ATXN2: variants seen among roughly 807,000 people sequenced by gnomAD.
ATXN2 encodes ataxin 2, also known as ataxin-2.
A neutral mutation model predicts 138.6 loss-of-function variants in ATXN2; 37 were observed. That is an observed-to-expected ratio of 0.27 (90% confidence interval 0.21 to 0.35). The LOEUF (loss-of-function observed/expected upper bound fraction) is 0.35, where lower values mean the gene tolerates loss of function less well. Ranked by LOEUF, ATXN2 falls within the 10% of genes least tolerant of loss-of-function variation. The probability of loss-of-function intolerance (pLI) is 1.00; values close to 1 mark genes in which losing one functional copy is unlikely to be tolerated. For missense variants in ATXN2, 1,216 were observed against 1,480.3 expected (o/e 0.82, Z 2.93); for synonymous variants, 549 against 543.7 (o/e 1.01, Z -0.13).
intron 1 of ATXN2, among the ~76,000 whole-genome samples, chr12:111,567,227 C>T (rs542253630): frequency 1.3e-5 from 2 of 152,244 alleles, no homozygotes; most frequent in Admixed American, 6.5e-5. Flanking sequence ...ACAGGCCGGG[C>T]GTGGTGGCTC....
intron 18 of ATXN2, chr12:111,479,089 T>C (rs1877029339): frequency 5.1e-6 from 2 of 391,812 alleles, no homozygotes. Flanking sequence ...GCAATTCCAA[T>C]TCTAGGTATT....
At position 111,513,436 on chromosome 12, in the gene ATXN2, G is replaced by A. The variant is rs2135733705; in HGVS notation, c.1479C>T (p.Asn493=). ...ISSGLEFVSH[N]PPSEAATPPV... is the part of the protein sequence containing the mutation. ...GAGGAGTAGCTGCTTCACTGGGTGG[G>A]TTGTGGGATACAAATTCTAGGCCAC... The change falls in exon 11 of 25, where the codon AAC becomes AAT. Residue 493 remains asparagine (N), a synonymous_variant. Transcript: ENST00000673436. The A allele has an allele frequency of 6.2e-7, 1 of 1,614,030 alleles. No individual in the cohort carries two copies. The highest frequency in any genetic ancestry group is 8.5e-7 in the Non-Finnish European group (1 of 1,180,010).
rs764521658 is a variant in ATXN2, at chr12:111,453,811, GGAT to G, written c.3302_3304del (p.His1101del). On this transcript the variant is annotated inframe_deletion, in exon 24 of 25. Coordinates refer to ENST00000673436, the MANE Select transcript of ATXN2 (RefSeq NM_001372574.1). The surrounding 1 kb of genome is among the most constrained non-coding windows in gnomAD (Gnocchi z 5.4). ...TAGCATCATTGGCGCATGGGCAGTT[GGAT>G]GAGAAGGAACCATTCCTGACTGTAC... 24 of 1,613,800 alleles carry G rather than the reference GGAT, an allele frequency of 1.5e-5. 1 individual carries two copies. The Admixed American group carries it at 3.3e-4, about 22-fold the overall frequency.
At chr12:111,560,956 G>A (rs969318976) in intron 1 of ATXN2, among the ~76,000 whole-genome samples, 2 of 152,210 alleles carry the variant, frequency 1.3e-5, no homozygotes, top group African/African-American at 4.8e-5. Flanking sequence ...CAGGCGCCCT[G>A]ACTCACGCCT....
chr12:111,499,480 A>G (rs1240185164), intron 14 of ATXN2, among the ~76,000 whole-genome samples: 1 of 152,090 alleles, frequency 6.6e-6, no homozygotes, highest in Non-Finnish European at 1.5e-5. Flanking sequence ...GAGGCAGGTA[A>G]ATCACCTGAG....
chr12:111,490,010 C>T (rs890641325), intron 14 of ATXN2, among the ~76,000 whole-genome samples: 1 of 151,478 alleles, frequency 6.6e-6, no homozygotes, highest in African/African-American at 2.4e-5. Flanking sequence ...TAAGACCAGA[C>T]TGGCCAACAT....
chr12:111,486,305 T>C (rs1388720852), intron 16 of ATXN2, among the ~76,000 whole-genome samples: 1 of 152,218 alleles, frequency 6.6e-6, no homozygotes, highest in African/African-American at 2.4e-5. Flanking sequence ...TATCCTCCTA[T>C]ATACTTTACA....
intron 14 of ATXN2, among the ~76,000 whole-genome samples, chr12:111,500,034 A>C (rs1878660090): frequency 6.6e-6 from 1 of 152,234 alleles, no homozygotes; most frequent in Admixed American, 6.5e-5. Flanking sequence ...TGGTAAAACC[A>C]CTATGGAGAA....
chr12:111,456,507 A>C (rs915378033), intron 22 of ATXN2, among the ~76,000 whole-genome samples: 31 of 152,234 alleles, frequency 2.0e-4, no homozygotes, highest in African/African-American at 7.2e-4. Context: ...AAGTCAAAAA[A>C]GACTACTGCC....
At chr12:111,517,553 T>C (rs1269107414) in intron 9 of ATXN2, among the ~76,000 whole-genome samples, 4 of 152,190 alleles carry the variant, frequency 2.6e-5, no homozygotes, top group Non-Finnish European at 4.4e-5. Flanking sequence ...CATAGAACTG[T>C]TGTTCAGTAT....
At chr12:111,563,915 T>C (rs1208932657) in intron 1 of ATXN2, among the ~76,000 whole-genome samples, 3 of 152,194 alleles carry the variant, frequency 2.0e-5, no homozygotes, top group East Asian at 1.9e-4. Context: ...TTTAGATCTG[T>C]ATTATAATTA....
intron 18 of ATXN2, among the ~76,000 whole-genome samples, chr12:111,477,221 T>A: frequency 6.7e-6 from 1 of 149,794 alleles, no homozygotes. Flanking sequence ...CTGGGTGTAG[T>A]GGCGGGCACC....
At chr12:111,493,272 T>G (rs1342344912) in intron 14 of ATXN2, among the ~76,000 whole-genome samples, 1 of 151,830 alleles carries the variant, frequency 6.6e-6, no homozygotes. Flanking sequence ...ATACAAAAAG[T>G]AGCTGGGCGT....
intron 10 of ATXN2, among the ~76,000 whole-genome samples, chr12:111,515,344 G>A (rs1220171188): frequency 6.6e-6 from 1 of 152,164 alleles, no homozygotes; most frequent in Non-Finnish European, 1.5e-5. Context: ...AGGACATTAT[G>A]ATTCAGAAAA....
chr12:111,598,833 A>C lies in ATXN2; in HGVS notation c.202T>G (p.Ser68Ala). ...SVSSSSATAP[S>A]SVVAATSGGG... ...CCGGAGGTCGCCGCGACCACCGAGGAGGGAGCCGTGGCCGAGGACGAGGAG... is the reference window on the plus strand; with the variant it reads ...CCGGAGGTCGCCGCGACCACCGAGGCGGGAGCCGTGGCCGAGGACGAGGAG... Residue 68 changes from serine to alanine, a missense_variant, in exon 1 of 25, where the codon TCC (serine) becomes GCC (alanine). Coordinates refer to ENST00000673436, the MANE Select transcript of ATXN2 (RefSeq NM_001372574.1). This position sits in a 1 kb window ranked among gnomAD's most constrained non-coding sequence, Gnocchi z 4.5. 6.8e-7 allele frequency: 1 copy of C among 1,459,990 alleles called. No homozygotes were observed. The highest frequency in any genetic ancestry group is 9.0e-7 in the Non-Finnish European group (1 of 1,111,440). The allele number at this position is 1,459,990 out of a possible 1,614,324, so 90.4% of individuals were successfully genotyped here.
At chr12:111,468,677 T>TGCCA (rs1876194684) in intron 20 of ATXN2, 1 of 150,594 alleles carries the variant, frequency 6.6e-6, no homozygotes, top group Non-Finnish European at 1.5e-5. Flanking sequence ...GAAGAAGGTT[T>TGCCA]GCCAGAAATC....
At chr12:111,547,366 G>T (rs1031691125) in intron 5 of ATXN2, among the ~76,000 whole-genome samples, 2 of 152,116 alleles carry the variant, frequency 1.3e-5, no homozygotes, top group African/African-American at 4.8e-5. Context: ...AGCAGAGGTT[G>T]CAGTGAGCTG....
chr12:111,474,812 G>A (rs536915778), intron 18 of ATXN2, among the ~76,000 whole-genome samples: 6 of 152,164 alleles, frequency 3.9e-5, no homozygotes, highest in East Asian at 1.9e-4. Flanking sequence ...GGCTGAGAGC[G>A]ATGGCTCACA....
At chr12:111,501,955 A>C (rs1452739593) in intron 14 of ATXN2, among the ~76,000 whole-genome samples, 1 of 151,738 alleles carries the variant, frequency 6.6e-6, no homozygotes, top group Non-Finnish European at 1.5e-5. Context: ...GCAGTGGTGC[A>C]AGCTCACCTC....
Sources: gnomAD v4.1 joint callset for allele counts (sites outside exome capture counted in the v4.1 genomes callset) on GRCh38, gnomAD v4.1.1 for gene constraint, Gnocchi (gnomAD v3.1) non-coding constraint, MANE v1.5 for transcripts, NCBI Gene and HGNC (gene_info 2026-07-23, HGNC 2026-07-21) for gene names.